AKT3: variants seen among roughly 807,000 people sequenced by gnomAD.
AKT3 encodes AKT serine/threonine kinase 3, also known as RAC-gamma serine/threonine-protein kinase.
AKT3 carries 15 observed loss-of-function variants against 65.3 expected under a neutral mutation model. The ratio of observed to expected loss-of-function variants is 0.23; its 90% confidence interval spans 0.15 to 0.35. The LOEUF is 0.35. AKT3 is among the 10% of genes least tolerant of loss of function. The probability of loss-of-function intolerance (pLI) is 1.00; values close to 1 mark genes in which losing one functional copy is unlikely to be tolerated. For synonymous variants in AKT3, 206 were observed against 183.8 expected (o/e 1.12, Z -0.98); for missense variants, 243 against 576.5 (o/e 0.42, Z 5.92).
At chr1:243,603,827 C>G (rs1275804643) in intron 8 of AKT3, among the ~76,000 whole-genome samples, 1 of 151,994 alleles carries the variant, frequency 6.6e-6, no homozygotes, top group Non-Finnish European at 1.5e-5. Context: ...TTCATTAAAT[C>G]CTGGTGATTC....
intron 2 of AKT3, among the ~76,000 whole-genome samples, chr1:243,818,464 C>A (rs1027057921): frequency 2.6e-5 from 4 of 151,950 alleles, no homozygotes; most frequent in African/African-American, 9.7e-5. Context: ...ATTAGTTTGT[C>A]CAAAAACTAG....
intron 8 of AKT3, among the ~76,000 whole-genome samples, chr1:243,591,675 T>C (rs1395514304): frequency 6.6e-6 from 1 of 151,192 alleles, no homozygotes; most frequent in Non-Finnish European, 1.5e-5. Flanking sequence ...GTTGAAAATA[T>C]AAAAGTTCAA....
intron 4 of AKT3, among the ~76,000 whole-genome samples, chr1:243,663,493 G>C (rs2147915936): frequency 6.6e-6 from 1 of 152,046 alleles, no homozygotes; most frequent in African/African-American, 2.4e-5. Flanking sequence ...TGCAGGCAGG[G>C]TAAGAGTTCG....
At chr1:243,623,840 T>C (rs1277595539) in intron 6 of AKT3, among the ~76,000 whole-genome samples, 1 of 152,234 alleles carries the variant, frequency 6.6e-6, no homozygotes, top group East Asian at 1.9e-4. Flanking sequence ...CTCTCTCATA[T>C]ATGTATATGT....
intron 13 of AKT3, among the ~76,000 whole-genome samples, chr1:243,494,537 A>G (rs1414357061): frequency 6.6e-6 from 1 of 152,210 alleles, no homozygotes; most frequent in East Asian, 1.9e-4. Flanking sequence ...CACCTCCAAC[A>G]GCAGACAGTT....
chr1:243,648,241 G>C (rs1356889795), intron 4 of AKT3, among the ~76,000 whole-genome samples: 3 of 146,746 alleles, frequency 2.0e-5, no homozygotes, highest in Non-Finnish European at 4.5e-5. Context: ...GAGGGTGACA[G>C]AGCAAGACTC....
intron 12 of AKT3, among the ~76,000 whole-genome samples, chr1:243,524,116 G>C (rs1035025813): frequency 6.6e-6 from 1 of 152,202 alleles, no homozygotes; most frequent in East Asian, 1.9e-4. Flanking sequence ...ACAATGGTAA[G>C]TATTTGTGTA....
At chr1:243,495,263 G>A (rs1168724347), downstream of AKT3, among the ~76,000 whole-genome samples, 1 of 152,196 alleles carries the variant, frequency 6.6e-6, no homozygotes, top group Non-Finnish European at 1.5e-5. Context: ...CCCTCTCCCC[G>A]CCAAGTCCAG....
chr1:243,569,135 T>A (rs572803950), intron 9 of AKT3, among the ~76,000 whole-genome samples: 4 of 152,194 alleles, frequency 2.6e-5, no homozygotes, highest in Non-Finnish European at 5.9e-5. Flanking sequence ...AAGGAATTCC[T>A]ACTCTGCACA....
intron 3 of AKT3, among the ~76,000 whole-genome samples, chr1:243,669,276 A>G (rs972894662): frequency 1.6e-4 from 25 of 152,192 alleles, no homozygotes; most frequent in Admixed American, 1.3e-4. Flanking sequence ...AGGAGTATAC[A>G]ATAAATACCC....
chr1:243,754,716 G>A (rs1267832194), intron 2 of AKT3, among the ~76,000 whole-genome samples: 1 of 152,166 alleles, frequency 6.6e-6, no homozygotes, highest in African/African-American at 2.4e-5. Context: ...ACTAATACCT[G>A]ATGGTCTGAA....
intron 2 of AKT3, among the ~76,000 whole-genome samples, chr1:243,705,980 C>G (rs1320306714): frequency 6.6e-6 from 1 of 152,022 alleles, no homozygotes; most frequent in African/African-American, 2.4e-5. Context: ...AAATATAGAC[C>G]AATTTAAAAA....
intron 2 of AKT3, among the ~76,000 whole-genome samples, chr1:243,711,666 T>A (rs1686166920): frequency 6.6e-6 from 1 of 152,228 alleles, no homozygotes; most frequent in Admixed American, 6.5e-5. Context: ...ACTACTGAAT[T>A]CATTCAAGAC....
At chr1:243,585,609 T>C (rs560637677) in intron 8 of AKT3, among the ~76,000 whole-genome samples, 1 of 152,190 alleles carries the variant, frequency 6.6e-6, no homozygotes, top group Admixed American at 6.5e-5. Context: ...ATCTAATCTT[T>C]GGCAAGGCTG....
At chr1:243,788,305 G>C (rs377386404) in intron 2 of AKT3, among the ~76,000 whole-genome samples, 14 of 152,026 alleles carry the variant, frequency 9.2e-5, no homozygotes, top group African/African-American at 3.4e-4. Context: ...CATGTATCTT[G>C]GTCATATTCT....
intron 4 of AKT3, among the ~76,000 whole-genome samples, chr1:243,664,378 GT>G (rs545224022): frequency 1.5e-4 from 22 of 151,100 alleles, no homozygotes; most frequent in African/African-American, 4.8e-4. Context: ...TTGTGTGTGT[GT>G]TTTTTTAGTA....
intron 2 of AKT3, among the ~76,000 whole-genome samples, chr1:243,710,325 A>C (rs1260417873): frequency 6.6e-6 from 1 of 152,180 alleles, no homozygotes; most frequent in Non-Finnish European, 1.5e-5. Flanking sequence ...AACAACAAAA[A>C]TTATTTGTTT....
At chr1:243,842,649 A>C (rs986700184) in intron 2 of AKT3, among the ~76,000 whole-genome samples, 1 of 152,168 alleles carries the variant, frequency 6.6e-6, no homozygotes, top group Non-Finnish European at 1.5e-5. Context: ...TTTACTTACC[A>C]AATTTATGGG....
intron 4 of AKT3, among the ~76,000 whole-genome samples, chr1:243,656,234 G>A (rs974714244): frequency 1.3e-5 from 2 of 152,030 alleles, no homozygotes; most frequent in African/African-American, 4.8e-5. Flanking sequence ...AAACAGAATG[G>A]AGACCCCTAT....
Sources: allele counts gnomAD v4.1 joint callset (sites outside exome capture counted in the v4.1 genomes callset), GRCh38; gene constraint gnomAD v4.1.1; transcripts MANE v1.5; gene names NCBI Gene and HGNC (gene_info 2026-07-23, HGNC 2026-07-21).